The following ATG14 variants were observed in gnomAD, a reference collection of about 807,000 sequenced individuals.
ATG14 encodes the protein autophagy related 14.
A neutral mutation model predicts 60.4 loss-of-function variants in ATG14; 35 were observed. That is an observed-to-expected ratio of 0.58 (90% confidence interval 0.44 to 0.77). The LOEUF (loss-of-function observed/expected upper bound fraction) is 0.77, where lower values mean the gene tolerates loss of function less well. ATG14 is among the 30% of genes least tolerant of loss of function. The probability of loss-of-function intolerance (pLI) is 0.00; values close to 1 mark genes in which losing one functional copy is unlikely to be tolerated. For missense variants in ATG14, 647 were observed against 626.3 expected (o/e 1.03, Z -0.35); for synonymous variants, 234 against 228.8 (o/e 1.02, Z -0.21).
chr14:55,411,493 T>A, intron 1 of ATG14, 109 bp downstream of exon 1: 1 of 1,092,646 alleles, frequency 9.2e-7, no homozygotes, highest in Non-Finnish European at 1.3e-6. Flanking sequence ...CTCTCGCTCC[T>A]CTCGCTGGTA....
intron 9 of ATG14, among the ~76,000 whole-genome samples, chr14:55,370,997 GCAGCCAGGCTGCATGTCCTCC>G: frequency 6.6e-6 from 1 of 152,156 alleles, no homozygotes; most frequent in Non-Finnish European, 1.5e-5. Flanking sequence ...CTGCTCCAGG[GCAGCCAGGCTGCATGTCCTCC>G]CTGTAGGCAG....
chr14:55,395,467 C>T (rs907500676), intron 3 of ATG14, among the ~76,000 whole-genome samples: 1 of 152,238 alleles, frequency 6.6e-6, no homozygotes, highest in African/African-American at 2.4e-5. Flanking sequence ...ATTCTCCTGC[C>T]TCAGCCTCCC....
intron 4 of ATG14, among the ~76,000 whole-genome samples, chr14:55,387,874 T>C (rs1041291383): frequency 6.6e-6 from 1 of 152,176 alleles, no homozygotes; most frequent in Non-Finnish European, 1.5e-5. Context: ...TGACCATGGC[T>C]GATCTCAAAC....
intron 9 of ATG14, among the ~76,000 whole-genome samples, chr14:55,374,514 C>T (rs1768059345): frequency 6.6e-6 from 1 of 152,188 alleles, no homozygotes; most frequent in South Asian, 2.1e-4. Context: ...TGGCAGCTTT[C>T]ACTAGACACA....
intron 1 of ATG14, among the ~76,000 whole-genome samples, chr14:55,401,456 G>A (rs898114378): frequency 6.6e-6 from 1 of 151,984 alleles, no homozygotes; most frequent in African/African-American, 2.4e-5. Context: ...AAAGAAATCT[G>A]CCAGTGAACC....
rs1353646950 is a variant in ATG14, at chr14:55,368,047, G to A, written c.*1572C>T. On this transcript the variant is annotated 3_prime_UTR_variant, in exon 10 of 10. Coordinates refer to ENST00000247178, the MANE Select transcript of ATG14 (RefSeq NM_014924.5). The stretch of plus-strand genomic sequence containing the variant: ...TAAGATATGGTAATAATGCCTGTTA[G>A]GACTCTTTCATAGGATTTCTTTTGG... 1.3e-5 allele frequency: 2 copies of A among 152,540 alleles called. No individual in the cohort carries two copies. Among genetic ancestry groups the A allele is most frequent in the South Asian group, 2.1e-4 (1 of 4,818 alleles). 9.4% of individuals were successfully genotyped at this position (152,540 alleles called of 1,614,324 possible).
At chr14:55,373,447 G>A (rs372598154) in intron 9 of ATG14, among the ~76,000 whole-genome samples, 1 of 152,094 alleles carries the variant, frequency 6.6e-6, no homozygotes, top group East Asian at 1.9e-4. Flanking sequence ...GTATATGACT[G>A]TACTATTTTT....
At chr14:55,375,112 A>G (rs1021395522) in intron 9 of ATG14, among the ~76,000 whole-genome samples, 1 of 152,162 alleles carries the variant, frequency 6.6e-6, no homozygotes, top group African/African-American at 2.4e-5. Flanking sequence ...GCTTTCTTTC[A>G]GCTCCACTCC....
intron 4 of ATG14, among the ~76,000 whole-genome samples, chr14:55,388,948 C>CTT (rs913362225): frequency 1.3e-5 from 2 of 148,922 alleles, no homozygotes; most frequent in East Asian, 3.9e-4. Flanking sequence ...CACGTTGAAG[C>CTT]TTTTTTTTTT....
Position 55,397,376 on chromosome 14 carries a change from T to C in ATG14, c.280A>G (p.Lys94Glu), listed in dbSNP as rs201696819. 21 of 1,613,266 alleles carry C rather than the reference T, an allele frequency of 1.3e-5. No individual in the cohort carries two copies. The highest frequency in any genetic ancestry group is 1.7e-5 in the Non-Finnish European group (20 of 1,179,296). ...AAGACAAAACAAAACACTCACTCTT[T>C]CTGAAATTCTTCTTGCTTGCTCTTA... Reference protein sequence around the residue: ...RLKSKQEEFQKEVLKAMEGKW... With the variant: ...RLKSKQEEFQEEVLKAMEGKW... Residue 94 changes from lysine (K) to glutamate (E), a missense_variant, in exon 2 of 10, where the codon AAA becomes GAA. Physicochemically the swap from Lys to Glu is moderately conservative, Grantham distance 56. Coordinates refer to ENST00000247178, the MANE Select transcript of ATG14 (RefSeq NM_014924.5).
intron 9 of ATG14, 144 bp from the exon 10 acceptor site, chr14:55,370,069 G>T: frequency 1.5e-6 from 1 of 646,942 alleles, no homozygotes; most frequent in South Asian, 4.3e-5. Flanking sequence ...AGCACTCCGT[G>T]TTGACATATG....
In ATG14 at chr14:55,375,490, A is replaced by AATTTTTTT. The variant is rs1555341540; in HGVS notation, c.1172+2328_1172+2329insAAAAAAAT. On this transcript the variant is annotated intron_variant, in intron 9 of 9. Transcript: ENST00000247178. ...GGCATGCATTACCACGCCGGGCTAA[A>AATTTTTTT]TTTTTTTTTTTTTTTTTTTTTTTTT... 1.3e-4 allele frequency among the ~76,000 whole-genome samples: 15 copies of AATTTTTTT among 117,796 alleles called. 1 individual carries two copies. Among genetic ancestry groups the AATTTTTTT allele is most frequent in the Non-Finnish European group, 1.5e-4 (9 of 59,428 alleles). 77.3% of individuals were successfully genotyped at this position (117,796 alleles called of 152,430 possible). A position where few individuals can be genotyped will look rare whatever the true frequency, so the allele number is the denominator to read the frequency against.
intron 5 of ATG14, 152 bp downstream of exon 5, chr14:55,385,707 C>A (rs371768092): frequency 2.7e-6 from 2 of 739,402 alleles, no homozygotes; most frequent in Admixed American, 5.8e-5. Flanking sequence ...TTCTGCGGTG[C>A]GTACTGTTTG....
At chr14:55,405,654 T>C (rs550512377) in intron 1 of ATG14, among the ~76,000 whole-genome samples, 3 of 152,330 alleles carry the variant, frequency 2.0e-5, no homozygotes, top group African/African-American at 4.8e-5. Flanking sequence ...ACCTATCAGG[T>C]ATCTACTGGG....
chr14:55,404,324 T>C (rs1204427355), intron 1 of ATG14, among the ~76,000 whole-genome samples: 1 of 152,154 alleles, frequency 6.6e-6, no homozygotes, highest in Non-Finnish European at 1.5e-5. Context: ...ACAACCCTGA[T>C]CCCTAAAGCA....
intron 1 of ATG14, among the ~76,000 whole-genome samples, chr14:55,409,371 A>G (rs1299302595): frequency 6.6e-6 from 1 of 152,244 alleles, no homozygotes; most frequent in Non-Finnish European, 1.5e-5. Flanking sequence ...ACAGTGTATA[A>G]AAGAGAAAAA....
intron 1 of ATG14, among the ~76,000 whole-genome samples, chr14:55,405,759 T>C (rs1459361949): frequency 6.6e-6 from 1 of 152,162 alleles, no homozygotes; most frequent in East Asian, 1.9e-4. Context: ...CCAAAGACTG[T>C]GTTGGAGGTA....
At chr14:55,379,422 G>T (rs560016532) in intron 7 of ATG14, among the ~76,000 whole-genome samples, 1 of 152,084 alleles carries the variant, frequency 6.6e-6, no homozygotes, top group South Asian at 2.1e-4. Flanking sequence ...TGAACCTGTG[G>T]TCCCAGCAAC....
intron 9 of ATG14, 58 bp downstream of exon 9, chr14:55,377,758 TACA>T (rs1884947034): frequency 5.4e-6 from 7 of 1,290,494 alleles, no homozygotes; most frequent in Non-Finnish European, 6.5e-6. Flanking sequence ...TATGCCAACA[TACA>T]ACTCCTCTAA....
Sources: gnomAD v4.1 joint callset for allele counts (sites outside exome capture counted in the v4.1 genomes callset) on GRCh38, gnomAD v4.1.1 for gene constraint, MANE v1.5 for transcripts, NCBI Gene and HGNC (gene_info 2026-07-23, HGNC 2026-07-21) for gene names.